NOSIP: variants seen among roughly 807,000 people sequenced by gnomAD.
The protein encoded by NOSIP is nitric oxide synthase interacting protein, also known as nitric oxide synthase-interacting protein.
A neutral mutation model predicts 36.4 loss-of-function variants in NOSIP; 25 were observed. The ratio of observed to expected loss-of-function variants is 0.69; its 90% CI spans 0.50 to 0.96. NOSIP has a LOEUF of 0.96. Among genes scored for constraint, NOSIP ranks in the 40% least tolerant of loss-of-function variants. The pLI, the probability that NOSIP is intolerant of heterozygous loss-of-function variation, is 0.00. For missense variants in NOSIP, 370 were observed against 429.0 expected (o/e 0.86, Z 1.21); for synonymous variants, 187 against 179.2 (o/e 1.04, Z -0.35).
Position 49,556,401 on chromosome 19 carries a change from G to T in NOSIP, c.750C>A (p.Cys250Ter). ...RPSGAVVTLE[C>*]VEKLIRKDMV... Reference sequence around the variant, plus strand: ...TGTCCTTCCGAATCAGCTTCTCCACGCATTCGAGGGTGACCACAGCCCCAC... The same window carrying T: ...TGTCCTTCCGAATCAGCTTCTCCACTCATTCGAGGGTGACCACAGCCCCAC... Residue 250 changes from cysteine to a stop codon, truncating the protein, a stop_gained, in exon 8 of 9, where the codon TGC (cysteine) becomes TGA (stop). Coordinates refer to ENST00000596358, the MANE Select transcript of NOSIP (RefSeq NM_001270960.2). LOFTEE classifies it high-confidence loss of function. The T allele has an allele frequency of 1.2e-6, 2 of 1,613,602 alleles. No individual in the cohort carries two copies. Among genetic ancestry groups the T allele is most frequent in the South Asian group, 1.1e-5 (1 of 91,052 alleles).
At chr19:49,557,031 G>A (rs2080260108) in intron 5 of NOSIP, 38 bp from the exon 6 acceptor site, 1 of 1,592,366 alleles carries the variant, frequency 6.3e-7, no homozygotes, top group African/African-American at 1.3e-5. Flanking sequence ...CCGCCCCCTG[G>A]GCCCGCCCAG....
chr19:49,557,170 C>A lies in NOSIP; in HGVS notation c.338G>T (p.Gly113Val), dbSNP rs1186539310. ...GATAGCCGACTCCTTCTCCAGGAAG[C>A]CCCGCACATGGTCCTGCGAGGCCGC... ...QRAASQDHVRGFLEKESAIVS... is the reference protein window; with the variant it reads ...QRAASQDHVRVFLEKESAIVS... Residue 113 changes from glycine to valine, a missense_variant, in exon 5 of 9, where the codon GGC becomes GTC. By Grantham distance (109) the Gly-to-Val change is moderately radical. Coordinates refer to ENST00000596358, the MANE Select transcript of NOSIP (RefSeq NM_001270960.2). 4.3e-6 allele frequency: 7 copies of A among 1,611,222 alleles called. No homozygotes were observed. The African/African-American group carries it at 6.7e-5, about 15-fold the overall frequency.
chr19:49,556,611 G>T lies in NOSIP; in HGVS notation c.663C>A (p.Tyr221Ter). The change falls in exon 7 of 9, where the codon TAC (tyrosine) becomes TAA (stop). Residue 221 changes from tyrosine (Y) to a stop codon, truncating the protein, a stop_gained. Coordinates refer to ENST00000596358, the MANE Select transcript of NOSIP (RefSeq NM_001270960.2). LOFTEE classifies it high-confidence loss of function. ...GGCTGTCGCGGGTCACGGCACACAC[G>T]TAGCGCTCGCTGCGGGTGATGAGCC... ...RVGLITRSER[Y>*]VCAVTRDSLS... The T allele has an allele frequency of 6.2e-7, 1 of 1,607,740 alleles. No homozygotes were observed.
At chr19:49,562,422 C>T (rs1400775094) in intron 1 of NOSIP, among the ~76,000 whole-genome samples, 3 of 151,898 alleles carry the variant, frequency 2.0e-5, no homozygotes, top group African/African-American at 7.2e-5. Context: ...CTGTGCCTGG[C>T]CCCTGCAGGC....
At chr19:49,571,518 G>A (rs1043167486) in intron 1 of NOSIP, among the ~76,000 whole-genome samples, 1 of 152,144 alleles carries the variant, frequency 6.6e-6, no homozygotes, top group Non-Finnish European at 1.5e-5. Context: ...CAAAGAGCAG[G>A]AGCGACCGAT....
chr19:49,575,154 C>T (rs1226627872), intron 1 of NOSIP, among the ~76,000 whole-genome samples: 4 of 152,082 alleles, frequency 2.6e-5, no homozygotes, highest in Non-Finnish European at 5.9e-5. Context: ...TGAGCCACTG[C>T]GCCCGGCCTC....
rs755552712 is a variant in NOSIP, at chr19:49,556,855, G to T, written c.537+20C>A. ...CTGGCGCCCTGGCACCGTGCGTGCC[G>T]GGGCGCTGTGGGGGCTCACCGGCTT... is the stretch of plus-strand genomic sequence containing the variant. On this transcript the variant is annotated intron_variant, in intron 6 of 8. Transcript: ENST00000596358. The T allele has an allele frequency of 3.1e-6, 5 of 1,600,054 alleles. No homozygotes were observed. Among genetic ancestry groups the T allele is most frequent in the Admixed American group, 1.7e-5 (1 of 59,818 alleles).
intron 1 of NOSIP, among the ~76,000 whole-genome samples, chr19:49,564,453 CAAAAA>C (rs1011453088): frequency 2.3e-5 from 1 of 42,556 alleles, no homozygotes; most frequent in Admixed American, 2.5e-4. Context: ...GACTCCATCT[CAAAAA>C]AAAAAAAAAA....
chr19:49,556,566 G>A lies in NOSIP; in HGVS notation c.708C>T (p.Cys236=), dbSNP rs1015190269. ...TRDSLSNATP[C]AVLRPSGAVV... ...TGACTCACGAGGGCCGCAGCACAGC[G>A]CAGGGGGTGGCGTTGCTCAGGCTGT... Residue 236 remains cysteine (C), a synonymous_variant, in exon 7 of 9, where the codon TGC becomes TGT. Coordinates refer to ENST00000596358, the MANE Select transcript of NOSIP (RefSeq NM_001270960.2). 5 of 1,605,712 alleles carry A rather than the reference G, an allele frequency of 3.1e-6. No individual in the cohort carries two copies. Among genetic ancestry groups the A allele is most frequent in the African/African-American group, 1.3e-5 (1 of 74,882 alleles).
At chr19:49,563,341 A>G (rs2080360459) in intron 1 of NOSIP, among the ~76,000 whole-genome samples, 1 of 151,768 alleles carries the variant, frequency 6.6e-6, no homozygotes, top group Non-Finnish European at 1.5e-5. Context: ...ACGCCCAGCT[A>G]ATTTTTATAT....
In NOSIP at chr19:49,556,376, T is replaced by C. The variant is rs1478182768; in HGVS notation, c.775A>G (p.Met259Val). The C allele has an allele frequency of 1.2e-6, 2 of 1,613,808 alleles. No homozygotes were observed. The highest frequency in any genetic ancestry group is 1.7e-6 in the Non-Finnish European group (2 of 1,179,922). Residue 259 changes from methionine (M) to valine (V), a missense_variant, in exon 8 of 9, where the codon ATG (methionine) becomes GTG (valine). Physicochemically the swap from Met to Val is conservative, Grantham distance 21 (BLOSUM62 1). Transcript: ENST00000596358. ...TTGTCTCCAGTCACAGGGTCCACCA[T>C]GTCCTTCCGAATCAGCTTCTCCACG... ...ECVEKLIRKD[M>V]VDPVTGDKLT...
At chr19:49,575,078 T>C (rs1195086413) in intron 1 of NOSIP, among the ~76,000 whole-genome samples, 6 of 152,128 alleles carry the variant, frequency 3.9e-5, no homozygotes, top group Non-Finnish European at 7.3e-5. Context: ...TTAGCCAGGA[T>C]GGTCTCTATC....
chr19:49,579,820 G>A (rs2080601765), intron 1 of NOSIP, among the ~76,000 whole-genome samples: 1 of 152,036 alleles, frequency 6.6e-6, no homozygotes, highest in South Asian at 2.1e-4. Context: ...ATAATCATTG[G>A]TGATTTGGGT....
At chr19:49,572,053 C>A (rs1040790086) in intron 1 of NOSIP, among the ~76,000 whole-genome samples, 1 of 148,746 alleles carries the variant, frequency 6.7e-6, no homozygotes, top group East Asian at 2.0e-4. Flanking sequence ...ATGTATTTTA[C>A]TCTTTCAGCA....
At chr19:49,558,840 G>A (rs2080291739) in intron 4 of NOSIP, 57 bp downstream of exon 4, 6 of 1,390,798 alleles carry the variant, frequency 4.3e-6, no homozygotes, top group East Asian at 4.6e-5. Flanking sequence ...CTCTGCCTGT[G>A]AGCTCAGACT....
chr19:49,572,790 G>A (rs1214097774), intron 1 of NOSIP, among the ~76,000 whole-genome samples: 2 of 151,882 alleles, frequency 1.3e-5, no homozygotes, highest in Middle Eastern at 3.4e-3. Flanking sequence ...CCTGGCCAAT[G>A]TGGCGAAACC....
chr19:49,564,223 C>T (rs779102066), intron 1 of NOSIP, among the ~76,000 whole-genome samples: 3 of 151,970 alleles, frequency 2.0e-5, no homozygotes, highest in Non-Finnish European at 4.4e-5. Context: ...GAGGCTGAAG[C>T]GGGCAGATCA....
At chr19:49,572,660 T>C (rs894492412) in intron 1 of NOSIP, among the ~76,000 whole-genome samples, 1 of 81,982 alleles carries the variant, frequency 1.2e-5, no homozygotes, top group African/African-American at 5.1e-5. Context: ...TAAATTTTCA[T>C]TGGAGATACT....
At chr19:49,578,408 G>A (rs1040517070) in intron 1 of NOSIP, among the ~76,000 whole-genome samples, 12 of 152,166 alleles carry the variant, frequency 7.9e-5, no homozygotes, top group African/African-American at 2.7e-4. Flanking sequence ...ACAGGCATGA[G>A]CCACTGTGCC....
Sources: gnomAD v4.1 joint callset for allele counts (sites outside exome capture counted in the v4.1 genomes callset) on GRCh38, gnomAD v4.1.1 for gene constraint, MANE v1.5 for transcripts, NCBI Gene and HGNC (gene_info 2026-07-23, HGNC 2026-07-21) for gene names.